SEMA6D: variants seen among roughly 807,000 people sequenced by gnomAD.
SEMA6D encodes semaphorin 6D.
In SEMA6D, 35 loss-of-function variants were observed where a neutral mutation model predicts 106.6. The observed-to-expected ratio is 0.33, with a 90% CI of 0.25 to 0.44. SEMA6D has a LOEUF of 0.44. Ranked by LOEUF, SEMA6D falls within the 20% of genes least tolerant of loss-of-function variation. The pLI, the probability that SEMA6D is intolerant of heterozygous loss-of-function variation, is 1.00. For missense variants in SEMA6D, 1,185 were observed against 1,345.9 expected (o/e 0.88, Z 1.87); for synonymous variants, 499 against 487.7 (o/e 1.02, Z -0.31).
chr15:47,585,786 C>T (rs1465987841), intron 3 of SEMA6D, among the ~76,000 whole-genome samples: 1 of 152,154 alleles, frequency 6.6e-6, no homozygotes, highest in African/African-American at 2.4e-5. Context: ...TATTCAATTC[C>T]TACAGCAACC....
rs1173992222 is a variant in SEMA6D, at chr15:47,314,849, CTTTTTTTTTTTTTTTTT to C, written c.-238-97526_-238-97510del. Reference sequence around the variant, plus strand: ...ATCAAACCCAAATCATCTAGGTTTTCTTTTTTTTTTTTTTTTTTTTTTTTTTTTTTTTTTGAGACGGA... The same window carrying C: ...ATCAAACCCAAATCATCTAGGTTTTCTTTTTTTTTTTTTTTTTGAGACGGA... On this transcript the variant is annotated intron_variant, in intron 1 of 19. Coordinates refer to the SEMA6D transcript ENST00000558014. Among the ~76,000 whole-genome samples the C allele has an allele frequency of 4.3e-3, 358 of 83,888 alleles. 2 individuals are homozygous for C. Among genetic ancestry groups the C allele is most frequent in the South Asian group, 0.016 (34 of 2,066 alleles). The allele number at this position is 83,888 out of a possible 152,430, so 55.0% of individuals were successfully genotyped here. A position where few individuals can be genotyped will look rare whatever the true frequency, so the allele number is the denominator to read the frequency against.
At chr15:47,264,703 A>T (rs907837889) in intron 1 of SEMA6D, among the ~76,000 whole-genome samples, 1 of 152,006 alleles carries the variant, frequency 6.6e-6, no homozygotes, top group African/African-American at 2.4e-5. Context: ...GAAAGCATCT[A>T]GTCTTTCACC....
chr15:47,296,511 T>C (rs1262861260), intron 1 of SEMA6D, among the ~76,000 whole-genome samples: 3 of 152,228 alleles, frequency 2.0e-5, no homozygotes, highest in African/African-American at 7.2e-5. Context: ...TTCTTATTCA[T>C]TGAAGCCTGT....
intron 2 of SEMA6D, among the ~76,000 whole-genome samples, chr15:47,435,944 G>T (rs933325422): frequency 6.6e-6 from 1 of 152,076 alleles, no homozygotes; most frequent in Middle Eastern, 3.2e-3. Flanking sequence ...GTGAAGGGAA[G>T]TGTCACTTTC....
intron 3 of SEMA6D, chr15:47,581,380 C>T (rs368667722): frequency 2.0e-6 from 1 of 493,306 alleles, no homozygotes; most frequent in Non-Finnish European, 4.0e-6. Flanking sequence ...GCCAAATAAA[C>T]AAGATAATTC....
intron 1 of SEMA6D, among the ~76,000 whole-genome samples, chr15:47,245,398 A>G (rs2141838766): frequency 6.6e-6 from 1 of 152,278 alleles, no homozygotes. Context: ...TCAGTTATGA[A>G]GTGAAGGCAC....
chr15:47,239,142 A>T (rs1271712638), intron 1 of SEMA6D, among the ~76,000 whole-genome samples: 1 of 152,118 alleles, frequency 6.6e-6, no homozygotes, highest in African/African-American at 2.4e-5. Context: ...GGAGTCTCAT[A>T]GGAGCATGAA....
Position 47,225,676 on chromosome 15 carries a change from CCG to C in SEMA6D, c.-239+41260_-239+41261del, listed in dbSNP as rs572784737. On this transcript the variant is annotated intron_variant, in intron 1 of 19. Coordinates refer to the SEMA6D transcript ENST00000558014. ...CCCAAGTGTCTGGGATTATAGGCCTCCGCCACCAAGCCCGGCTAATTTTGTAT... is the reference window on the plus strand; with the variant it reads ...CCCAAGTGTCTGGGATTATAGGCCTCCCACCAAGCCCGGCTAATTTTGTAT... Among the ~76,000 whole-genome samples the C allele has an allele frequency of 1.4e-3, 215 of 151,622 alleles. 2 individuals are homozygous for C. Among genetic ancestry groups the C allele is most frequent in the Admixed American group, 4.1e-3 (62 of 15,132 alleles).
intron 1 of SEMA6D, among the ~76,000 whole-genome samples, chr15:47,232,749 C>G (rs1428405596): frequency 7.3e-6 from 1 of 137,380 alleles, no homozygotes; most frequent in African/African-American, 2.6e-5. Context: ...AATGACTGTT[C>G]AAACTCTTTG....
chr15:47,645,318 TA>T (rs2077561710), intron 4 of SEMA6D, among the ~76,000 whole-genome samples: 1 of 152,164 alleles, frequency 6.6e-6, no homozygotes, highest in African/African-American at 2.4e-5. Context: ...GGGTATTTTA[TA>T]AAACGTTTAG....
At chr15:47,281,919 A>G (rs1346725384) in intron 1 of SEMA6D, among the ~76,000 whole-genome samples, 2 of 152,150 alleles carry the variant, frequency 1.3e-5, no homozygotes, top group Non-Finnish European at 2.9e-5. Flanking sequence ...ATATTAAAGC[A>G]TATATAGGTT....
intron 1 of SEMA6D, among the ~76,000 whole-genome samples, chr15:47,351,347 A>G (rs1032586415): frequency 6.6e-6 from 1 of 152,182 alleles, no homozygotes; most frequent in African/African-American, 2.4e-5. Flanking sequence ...ATCTAGCACT[A>G]TAATAAGCAG....
At chr15:47,415,505 C>T (rs1457553396) in intron 2 of SEMA6D, among the ~76,000 whole-genome samples, 1 of 152,146 alleles carries the variant, frequency 6.6e-6, no homozygotes, top group African/African-American at 2.4e-5. Flanking sequence ...TGCCCCTTCT[C>T]CTCCTCTCTA....
chr15:47,361,789 A>C (rs868235938), intron 1 of SEMA6D, among the ~76,000 whole-genome samples: 1 of 150,514 alleles, frequency 6.6e-6, no homozygotes, highest in African/African-American at 2.5e-5. Flanking sequence ...CCGCCCCTCC[A>C]CTCTCTCCAG....
At chr15:47,732,613 T>C (rs1016731301) in intron 1 of SEMA6D, among the ~76,000 whole-genome samples, 2 of 152,322 alleles carry the variant, frequency 1.3e-5, no homozygotes, top group African/African-American at 4.8e-5. Context: ...TATAGAGAAT[T>C]ATACATTGTT....
At chr15:47,348,725 C>CAG (rs1398441234) in intron 1 of SEMA6D, among the ~76,000 whole-genome samples, 27 of 47,756 alleles carry the variant, frequency 5.7e-4, no homozygotes, top group African/African-American at 1.2e-3. Flanking sequence ...ACACCACACA[C>CAG]ACAGAGAGAG....
intron 1 of SEMA6D, among the ~76,000 whole-genome samples, chr15:47,367,727 C>CACAAAG (rs1555428992): frequency 6.8e-6 from 1 of 147,918 alleles, no homozygotes; most frequent in South Asian, 2.1e-4. Context: ...CACACACACA[C>CACAAAG]AGAGAGAGAG....
intron 4 of SEMA6D, among the ~76,000 whole-genome samples, chr15:47,680,673 T>C (rs1188173783): frequency 6.6e-6 from 1 of 152,174 alleles, no homozygotes; most frequent in Non-Finnish European, 1.5e-5. Context: ...ACAAAAAATA[T>C]ATGTGTAAAC....
At chr15:47,590,556 T>G in intron 3 of SEMA6D, among the ~76,000 whole-genome samples, 1 of 151,742 alleles carries the variant, frequency 6.6e-6, no homozygotes, top group African/African-American at 2.4e-5. Context: ...ATAAGCAAAT[T>G]AATACACAAA....
Sources: allele counts gnomAD v4.1 joint callset (sites outside exome capture counted in the v4.1 genomes callset), GRCh38; gene constraint gnomAD v4.1.1; transcripts MANE v1.5; gene names NCBI Gene and HGNC (gene_info 2026-07-23, HGNC 2026-07-21).